GRIK1: variants seen among roughly 807,000 people sequenced by gnomAD.
GRIK1 encodes the protein glutamate receptor ionotropic, kainate 1.
GRIK1 carries 69 observed loss-of-function variants against 105.7 expected under a neutral mutation model. The ratio of observed to expected loss-of-function variants is 0.65; its 90% CI spans 0.54 to 0.80. The LOEUF (loss-of-function observed/expected upper bound fraction) is 0.80, where lower values mean the gene tolerates loss of function less well. Among genes scored for constraint, GRIK1 ranks in the 30% least tolerant of loss-of-function variants. GRIK1 has a pLI of 0.00. For synonymous variants in GRIK1, 438 were observed against 431.3 expected, an observed-to-expected ratio of 1.02 and a Z score of -0.19; for missense variants, 1,109 against 1,167.3, an observed-to-expected ratio of 0.95 and a Z score of 0.73.
intron 1 of GRIK1, among the ~76,000 whole-genome samples, chr21:29,904,604 G>T (rs1012949220): frequency 5.9e-5 from 9 of 152,122 alleles, no homozygotes; most frequent in African/African-American, 2.2e-4. Flanking sequence ...CTTTCATGGG[G>T]TTGCAATGAT....
At chr21:29,586,918 G>T (rs1382300039) in intron 12 of GRIK1, among the ~76,000 whole-genome samples, 2 of 151,978 alleles carry the variant, frequency 1.3e-5, no homozygotes, top group East Asian at 3.9e-4. Flanking sequence ...ATTCCTAAGG[G>T]TTTCACAATC....
chr21:29,879,827 A>G (rs2069334205), intron 1 of GRIK1, among the ~76,000 whole-genome samples: 1 of 150,834 alleles, frequency 6.6e-6, no homozygotes, highest in Non-Finnish European at 1.5e-5. Context: ...AGATAATAAC[A>G]ACCTCTTCAC....
intron 7 of GRIK1, among the ~76,000 whole-genome samples, chr21:29,621,394 G>T (rs895749812): frequency 4.1e-5 from 6 of 146,698 alleles, no homozygotes; most frequent in Non-Finnish European, 7.5e-5. Flanking sequence ...GGCCTGAGGG[G>T]TGTGTGTGTG....
At chr21:29,582,436 A>T in intron 12 of GRIK1, 1 of 400,242 alleles carries the variant, frequency 2.5e-6, no homozygotes. Flanking sequence ...TGGAAAAACA[A>T]CTAGTATAGT....
intron 1 of GRIK1, among the ~76,000 whole-genome samples, chr21:29,861,102 A>T (rs966722469): frequency 2.6e-5 from 4 of 152,134 alleles, no homozygotes; most frequent in Non-Finnish European, 5.9e-5. Context: ...AAAGACAATC[A>T]TGTCATCTGG....
At chr21:29,649,660 A>G (rs1009307157) in intron 6 of GRIK1, among the ~76,000 whole-genome samples, 1 of 152,222 alleles carries the variant, frequency 6.6e-6, no homozygotes, top group African/African-American at 2.4e-5. Flanking sequence ...GTCAATATGT[A>G]CAAACTGTTT....
chr21:29,835,939 C>A (rs887823979), intron 1 of GRIK1, among the ~76,000 whole-genome samples: 4 of 152,172 alleles, frequency 2.6e-5, no homozygotes, highest in African/African-American at 9.6e-5. Context: ...TTTTCCCCAA[C>A]CACGCAAATA....
chr21:29,647,124 G>A (rs2062637396), intron 6 of GRIK1, among the ~76,000 whole-genome samples: 1 of 152,206 alleles, frequency 6.6e-6, no homozygotes, highest in Non-Finnish European at 1.5e-5. Context: ...GATTACAGGT[G>A]TGAGCCACCG....
intron 1 of GRIK1, among the ~76,000 whole-genome samples, chr21:29,771,608 G>C (rs988897509): frequency 6.6e-6 from 1 of 152,076 alleles, no homozygotes; most frequent in Non-Finnish European, 1.5e-5. Context: ...CTGGCTCATG[G>C]GAAAGGTGTT....
At chr21:29,904,398 G>T (rs1049546333) in intron 1 of GRIK1, among the ~76,000 whole-genome samples, 2 of 152,048 alleles carry the variant, frequency 1.3e-5, no homozygotes, top group African/African-American at 4.8e-5. Flanking sequence ...TATAGTGTAT[G>T]AATGAATACT....
In GRIK1 at chr21:29,802,115, T is replaced by C. The variant is rs1294156231; in HGVS notation, c.119-108052A>G. On this transcript the variant is annotated intron_variant, in intron 1 of 17. Coordinates refer to ENST00000327783, the MANE Select transcript of GRIK1 (RefSeq NM_001330994.2). ...AAGCTCCCCTCAACTGCCAGACACATGGAAGGCACTAGAAGGTGCCCCAAC... is the reference window on the plus strand; with the variant it reads ...AAGCTCCCCTCAACTGCCAGACACACGGAAGGCACTAGAAGGTGCCCCAAC... Among the ~76,000 whole-genome samples, 17 of 152,180 alleles carry C rather than the reference T, an allele frequency of 1.1e-4. 1 individual carries two copies. Among genetic ancestry groups the C allele is most frequent in the Admixed American group, 1.0e-3 (16 of 15,258 alleles).
intron 1 of GRIK1, among the ~76,000 whole-genome samples, chr21:29,848,779 A>ATATATATATATATATATTTT: frequency 7.7e-5 from 6 of 77,860 alleles, no homozygotes; most frequent in African/African-American, 3.5e-4. Context: ...ATATATATAT[A>ATATATATATATATATATTTT]TTTTTTTTTT....
chr21:29,830,054 G>A (rs1410260799), intron 1 of GRIK1, among the ~76,000 whole-genome samples: 1 of 152,098 alleles, frequency 6.6e-6, no homozygotes, highest in Non-Finnish European at 1.5e-5. Flanking sequence ...GAATCATTTT[G>A]TGAAATCTGA....
At chr21:29,926,839 T>C (rs1470001992) in intron 1 of GRIK1, among the ~76,000 whole-genome samples, 2 of 152,204 alleles carry the variant, frequency 1.3e-5, no homozygotes, top group Non-Finnish European at 2.9e-5. Context: ...GTGTTTTCTA[T>C]GAAATTATGT....
At chr21:29,651,482 C>G (rs1459868425) in intron 5 of GRIK1, among the ~76,000 whole-genome samples, 191 bp from the exon 6 acceptor site, 1 of 152,114 alleles carries the variant, frequency 6.6e-6, no homozygotes, top group East Asian at 1.9e-4. Context: ...CAGAAATAAG[C>G]AATTCATAAT....
At chr21:29,754,361 G>T (rs1007641582) in intron 1 of GRIK1, among the ~76,000 whole-genome samples, 1 of 152,276 alleles carries the variant, frequency 6.6e-6, no homozygotes, top group African/African-American at 2.4e-5. Flanking sequence ...CCAAGCAGGA[G>T]ATCAAGAATA....
chr21:29,610,638 A>G, intron 7 of GRIK1, among the ~76,000 whole-genome samples: 1 of 152,188 alleles, frequency 6.6e-6, no homozygotes. Flanking sequence ...GGCCTTACCA[A>G]CATCTTGACT....
Position 29,613,760 on chromosome 21 carries a change from G to T in GRIK1, c.1099-14823C>A, listed in dbSNP as rs552187032. On this transcript the variant is annotated intron_variant, in intron 7 of 17. Coordinates refer to ENST00000327783, the MANE Select transcript of GRIK1 (RefSeq NM_001330994.2). Reference sequence around the variant, plus strand: ...TGAGTTAGTCATTGATGATAAACAAGGTCTGACAAACTGCATATTTGTTTA... The same window carrying T: ...TGAGTTAGTCATTGATGATAAACAATGTCTGACAAACTGCATATTTGTTTA... 1.4e-4 allele frequency among the ~76,000 whole-genome samples: 22 copies of T among 152,252 alleles called. No homozygotes were observed. The East Asian group carries it at 3.9e-3, about 27-fold the overall frequency.
In GRIK1 at chr21:29,875,214, T is replaced by C. The variant is rs554660608; in HGVS notation, c.118+64169A>G. Among the ~76,000 whole-genome samples the C allele has an allele frequency of 3.9e-5, 6 of 152,140 alleles. No individual in the cohort carries two copies. In the South Asian group the frequency reaches 6.2e-4, roughly 16 times the overall value. ...AGATTACTGTTTAGTGTCTCTGTAA[T>C]TGGCCCAAGAAAACACTCCGAGTCC... On this transcript the variant is annotated intron_variant, in intron 1 of 17. Coordinates refer to ENST00000327783, the MANE Select transcript of GRIK1 (RefSeq NM_001330994.2).
Sources: gnomAD v4.1 joint callset for allele counts (sites outside exome capture counted in the v4.1 genomes callset) on GRCh38, gnomAD v4.1.1 for gene constraint, MANE v1.5 for transcripts, NCBI Gene and HGNC (gene_info 2026-07-23, HGNC 2026-07-21) for gene names.